ARB2A: variants seen among roughly 807,000 people sequenced by gnomAD.
ARB2A encodes ARB2 cotranscriptional regulator A.
At chr5:93,711,276 G>C in the ARB2A span, among the ~76,000 whole-genome samples, 1 of 150,806 alleles carries the variant, frequency 6.6e-6, no homozygotes, top group Non-Finnish European at 1.5e-5. Flanking sequence ...GTTGCCAAGG[G>C]TGATTTGAAT....
chr5:93,675,467 G>A, the ARB2A span, among the ~76,000 whole-genome samples: 1 of 152,150 alleles, frequency 6.6e-6, no homozygotes, highest in Non-Finnish European at 1.5e-5. Flanking sequence ...ACACTAAACA[G>A]AAAATTCAAC....
At chr5:93,975,593 A>T in the ARB2A span, among the ~76,000 whole-genome samples, 1 of 152,124 alleles carries the variant, frequency 6.6e-6, no homozygotes, top group Non-Finnish European at 1.5e-5. Flanking sequence ...CAGAAATGAC[A>T]AAGATGACAT....
chr5:93,855,978 G>T, the ARB2A span, among the ~76,000 whole-genome samples: 2 of 152,070 alleles, frequency 1.3e-5, no homozygotes, highest in Non-Finnish European at 2.9e-5. Context: ...TGACTTTGAT[G>T]AGTTGAGAGA....
the ARB2A span, among the ~76,000 whole-genome samples, chr5:93,720,204 C>G: frequency 6.6e-6 from 1 of 152,282 alleles, no homozygotes; most frequent in African/African-American, 2.4e-5. Context: ...TCTAATCTAT[C>G]CAATGTAAAA....
At chr5:93,935,097 C>T in the ARB2A span, among the ~76,000 whole-genome samples, 3 of 151,746 alleles carry the variant, frequency 2.0e-5, no homozygotes, top group East Asian at 3.9e-4. Flanking sequence ...GGGTGGGAGG[C>T]GGGTGAGGGA....
At chr5:93,945,382 T>G in the ARB2A span, among the ~76,000 whole-genome samples, 7 of 145,510 alleles carry the variant, frequency 4.8e-5, no homozygotes. Context: ...GCCACTGCAC[T>G]GCAGCCTGGG....
chr5:94,069,388 T>C, the ARB2A span, among the ~76,000 whole-genome samples: 1 of 152,272 alleles, frequency 6.6e-6, no homozygotes, highest in East Asian at 1.9e-4. Flanking sequence ...CAAAGATTTT[T>C]ATGGTTAAAG....
the ARB2A span, chr5:93,741,539 G>A: frequency 6.3e-7 from 1 of 1,589,658 alleles, no homozygotes; most frequent in Admixed American, 1.8e-5. Flanking sequence ...GGGCAGAAGT[G>A]GTTTGAGGGC....
chr5:93,703,540 G>T, the ARB2A span, among the ~76,000 whole-genome samples: 3 of 152,114 alleles, frequency 2.0e-5, no homozygotes, highest in Non-Finnish European at 2.9e-5. Flanking sequence ...TTAGTGCACT[G>T]AAAAAGTGTT....
the ARB2A span, among the ~76,000 whole-genome samples, chr5:93,673,396 CTCTT>C: frequency 1.2e-4 from 18 of 150,712 alleles, no homozygotes; most frequent in Admixed American, 1.1e-3. Context: ...TTTTTTCTCT[CTCTT>C]TCTTTTCTCT....
At chr5:94,098,779 G>C in the ARB2A span, among the ~76,000 whole-genome samples, 1 of 152,078 alleles carries the variant, frequency 6.6e-6, no homozygotes, top group African/African-American at 2.4e-5. Context: ...AACACAATTA[G>C]CAGTTACTAA....
the ARB2A span, among the ~76,000 whole-genome samples, chr5:93,749,111 A>G: frequency 6.6e-6 from 1 of 150,838 alleles, no homozygotes; most frequent in Non-Finnish European, 1.5e-5. Context: ...TTTTTGTCAT[A>G]AACACTTTCG....
At chr5:93,857,488 G>A in the ARB2A span, among the ~76,000 whole-genome samples, 4 of 152,290 alleles carry the variant, frequency 2.6e-5, no homozygotes, top group South Asian at 8.3e-4. Flanking sequence ...CCTGGGCAAT[G>A]GTGGGCGCCC....
chr5:93,783,670 A>G, the ARB2A span, among the ~76,000 whole-genome samples: 1 of 152,196 alleles, frequency 6.6e-6, no homozygotes, highest in Non-Finnish European at 1.5e-5. Context: ...ACTGCTTAGA[A>G]TATCAGAAAG....
the ARB2A span, chr5:94,050,947 C>A: frequency 2.8e-6 from 2 of 716,952 alleles, no homozygotes; most frequent in Non-Finnish European, 4.3e-6. Context: ...AACAGTTTAT[C>A]TTTTTCATTA....
chr5:93,982,836 C>T, the ARB2A span, among the ~76,000 whole-genome samples: 2 of 152,192 alleles, frequency 1.3e-5, no homozygotes, highest in Non-Finnish European at 2.9e-5. Context: ...GGGCGGATCA[C>T]CTGAGTTCAG....
chr5:93,774,988 T>C, the ARB2A span, among the ~76,000 whole-genome samples: 1 of 152,120 alleles, frequency 6.6e-6, no homozygotes, highest in Non-Finnish European at 1.5e-5. Flanking sequence ...GAAAATCAAT[T>C]GTATAATATT....
the ARB2A span, among the ~76,000 whole-genome samples, chr5:93,777,118 T>C: frequency 7.9e-5 from 10 of 127,250 alleles, no homozygotes; most frequent in South Asian, 2.5e-3. Context: ...GTAAAGAACA[T>C]GGACACAGGA....
chr5:93,778,660 G>C, the ARB2A span, among the ~76,000 whole-genome samples: 2 of 152,138 alleles, frequency 1.3e-5, no homozygotes, highest in African/African-American at 2.4e-5. Flanking sequence ...CATCCAACTA[G>C]TACCTCCAAA....
Sources: gnomAD v4.1 joint callset for allele counts (sites outside exome capture counted in the v4.1 genomes callset) on GRCh38, gnomAD v4.1.1 for gene constraint, MANE v1.5 for transcripts, NCBI Gene and HGNC (gene_info 2026-07-23, HGNC 2026-07-21) for gene names.